Variants in ZRANB3 observed in about 807,000 individuals in gnomAD.
ZRANB3 encodes zinc finger RANBP2-type containing 3.
Under a neutral mutation model 133.8 loss-of-function variants are expected in ZRANB3, and 125 were observed. The observed-to-expected ratio is 0.93, with a 90% CI of 0.81 to 1.08. The LOEUF (loss-of-function observed/expected upper bound fraction) is 1.08, where lower values mean the gene tolerates loss of function less well. ZRANB3 is among the 50% of genes least tolerant of loss of function. ZRANB3 has a pLI of 0.00. For synonymous variants in ZRANB3, 387 were observed against 432.7 expected, an observed-to-expected ratio of 0.89 and a Z score of 1.31; for missense variants, 1,229 against 1,275.5, an observed-to-expected ratio of 0.96 and a Z score of 0.56.
At chr2:135,393,927 G>A (rs1394667475) in intron 2 of ZRANB3, among the ~76,000 whole-genome samples, 1 of 152,004 alleles carries the variant, frequency 6.6e-6, no homozygotes, top group Non-Finnish European at 1.5e-5. Flanking sequence ...GCACGATCTC[G>A]GCTCACTGCA....
At chr2:135,300,966 T>A (rs1482202769) in intron 8 of ZRANB3, among the ~76,000 whole-genome samples, 1 of 152,100 alleles carries the variant, frequency 6.6e-6, no homozygotes, top group East Asian at 1.9e-4. Context: ...AATGTAGTTA[T>A]AGCTCTCATT....
intron 8 of ZRANB3, among the ~76,000 whole-genome samples, chr2:135,298,530 G>A (rs758399528): frequency 5.3e-5 from 8 of 152,052 alleles, no homozygotes; most frequent in East Asian, 1.9e-4. Context: ...TGTGGTGCTC[G>A]CCCCCTTCCC....
intron 2 of ZRANB3, among the ~76,000 whole-genome samples, chr2:135,416,266 G>A (rs947184033): frequency 6.6e-6 from 1 of 152,022 alleles, no homozygotes; most frequent in Admixed American, 6.6e-5. Context: ...AAAGTCTCAG[G>A]ATACAAAATC....
chr2:135,491,532 G>C (rs990755887), intron 2 of ZRANB3, among the ~76,000 whole-genome samples: 20 of 148,244 alleles, frequency 1.3e-4, no homozygotes, highest in African/African-American at 5.0e-4. Context: ...TTTTTTTTTT[G>C]AGATATAGTC....
At position 135,342,038 on chromosome 2, in the gene ZRANB3, G is replaced by C. The variant is rs190761897; in HGVS notation, c.677+3512C>G. ...ATTGCCCTTGAAGCATGTGATCTCT[G>C]TGACCCACAGCCTATTCGTACACTC... is the stretch of plus-strand genomic sequence containing the variant. On this transcript the variant is annotated intron_variant, in intron 6 of 20. Coordinates refer to ENST00000264159, the MANE Select transcript of ZRANB3 (RefSeq NM_032143.4). Among the ~76,000 whole-genome samples, 30 of 150,026 alleles carry C rather than the reference G, an allele frequency of 2.0e-4. 1 individual carries two copies. Among genetic ancestry groups the C allele is most frequent in the East Asian group, 1.5e-3 (8 of 5,182 alleles).
intron 7 of ZRANB3, among the ~76,000 whole-genome samples, chr2:135,313,951 G>A (rs1174029254): frequency 6.6e-6 from 1 of 152,042 alleles, no homozygotes; most frequent in Non-Finnish European, 1.5e-5. Flanking sequence ...TGCAACCTCC[G>A]CCTCCCGGGT....
chr2:135,359,130 G>C (rs1685564404), intron 3 of ZRANB3, among the ~76,000 whole-genome samples: 1 of 152,012 alleles, frequency 6.6e-6, no homozygotes, highest in African/African-American at 2.4e-5. Flanking sequence ...TGAGTGGAAA[G>C]GTCCATTGCA....
chr2:135,529,235 A>G (rs1424618216), intron 1 of ZRANB3, among the ~76,000 whole-genome samples: 1 of 152,234 alleles, frequency 6.6e-6, no homozygotes, highest in Non-Finnish European at 1.5e-5. Flanking sequence ...GAGTTTAAGA[A>G]TAAAGGGCAC....
chr2:135,492,666 A>G (rs1574196471), intron 2 of ZRANB3, among the ~76,000 whole-genome samples: 1 of 152,180 alleles, frequency 6.6e-6, no homozygotes, highest in South Asian at 2.1e-4. Flanking sequence ...GAAAATTTAC[A>G]AAGAGAAAGT....
intron 3 of ZRANB3, among the ~76,000 whole-genome samples, chr2:135,387,855 T>C (rs1014009330): frequency 2.6e-5 from 4 of 152,212 alleles, no homozygotes; most frequent in South Asian, 4.1e-4. Flanking sequence ...TGCTATGTAA[T>C]TGTAAATCAC....
chr2:135,521,587 T>G (rs77011678), intron 1 of ZRANB3, among the ~76,000 whole-genome samples: 2,238 of 152,238 alleles, frequency 0.015, 35 homozygotes, highest in Non-Finnish European at 0.02. Context: ...CAGAAGGTAT[T>G]GGGTAAACAA....
chr2:135,320,831 A>C (rs1244041698), intron 6 of ZRANB3, among the ~76,000 whole-genome samples: 2 of 152,120 alleles, frequency 1.3e-5, no homozygotes, highest in Non-Finnish European at 2.9e-5. Context: ...GGCAACCATT[A>C]ATCTGTTTTT....
chr2:135,217,401 C>G, intron 17 of ZRANB3, 64 bp downstream of exon 17: 5 of 1,429,678 alleles, frequency 3.5e-6, no homozygotes, highest in Non-Finnish European at 4.6e-6. Flanking sequence ...ATGCCTCAGA[C>G]CCCCCTGTAG....
At chr2:135,461,448 G>T (rs1238046613) in intron 2 of ZRANB3, among the ~76,000 whole-genome samples, 6 of 152,144 alleles carry the variant, frequency 3.9e-5, no homozygotes, top group Non-Finnish European at 8.8e-5. Flanking sequence ...ATGCATGCCT[G>T]TAATCCTAGC....
At chr2:135,485,685 C>G (rs1404697497) in intron 2 of ZRANB3, among the ~76,000 whole-genome samples, 4 of 152,098 alleles carry the variant, frequency 2.6e-5, no homozygotes, top group African/African-American at 4.8e-5. Context: ...AAGCTAATGT[C>G]GTAAAAAGGT....
chr2:135,491,861 C>T (rs1450530360), intron 2 of ZRANB3, among the ~76,000 whole-genome samples: 4 of 151,908 alleles, frequency 2.6e-5, no homozygotes, highest in African/African-American at 7.3e-5. Context: ...ATTAAAGATA[C>T]AAAGGTGAAC....
chr2:135,272,527 C>T (rs1318914769), intron 9 of ZRANB3, among the ~76,000 whole-genome samples: 1 of 150,358 alleles, frequency 6.7e-6, no homozygotes, highest in Non-Finnish European at 1.5e-5. Context: ...CATTTTCCTG[C>T]CTCAGCCTCC....
Position 135,237,965 on chromosome 2 carries a change from C to G in ZRANB3, c.1540-7038G>C, listed in dbSNP as rs80295150. ...AACAAAAAACAAAAAACAAAAAAAC[C>G]TGTTAATTAGGACAGCTTCTTTAGT... On this transcript the variant is annotated intron_variant, in intron 12 of 20. Transcript: ENST00000264159. Among the ~76,000 whole-genome samples the G allele has an allele frequency of 3.0e-3, 453 of 152,210 alleles. 3 individuals carry two copies. The highest frequency in any genetic ancestry group is 0.01 in the African/African-American group (422 of 41,550).
intron 8 of ZRANB3, among the ~76,000 whole-genome samples, chr2:135,278,559 G>A (rs1680949688): frequency 6.6e-6 from 1 of 152,136 alleles, no homozygotes. Context: ...GTTCAGACTG[G>A]AGCTAATCAG....
Sources: allele counts gnomAD v4.1 joint callset (sites outside exome capture counted in the v4.1 genomes callset), GRCh38; gene constraint gnomAD v4.1.1; transcripts MANE v1.5; gene names NCBI Gene and HGNC (gene_info 2026-07-23, HGNC 2026-07-21).